Variants in PROSER1 observed in about 807,000 individuals in gnomAD.
PROSER1 encodes the protein proline and serine-rich protein 1.
Under a neutral mutation model 71.8 loss-of-function variants are expected in PROSER1, and 36 were observed. The ratio of observed to expected loss-of-function variants is 0.50; its 90% CI spans 0.38 to 0.66. The LOEUF is 0.66. PROSER1 is among the 30% of genes least tolerant of loss of function. The pLI is 0.00. For synonymous variants in PROSER1, 490 were observed against 452.4 expected (o/e 1.08, Z -1.06); for missense variants, 1,107 against 1,135.0 (o/e 0.98, Z 0.35).
At chr13:39,037,089 T>C (rs1392559969) in intron 1 of PROSER1, 109 bp downstream of exon 1, 16 of 778,192 alleles carry the variant, frequency 2.1e-5, no homozygotes, top group Non-Finnish European at 3.5e-5. Flanking sequence ...CAAACCAATT[T>C]GGCAATCCTA....
Position 39,012,740 on chromosome 13 carries a change from C to T in PROSER1, c.2512G>A (p.Ala838Thr), listed in dbSNP as rs772124578. 6.2e-6 allele frequency: 10 copies of T among 1,609,010 alleles called. No individual in the cohort carries two copies. The highest frequency in any genetic ancestry group is 4.4e-5 in the South Asian group (4 of 90,460). ...TTGAAATTGGAACTGAATGCTGAGG[C>T]GAATCCTGGGAGGACTGGAGCTGGG... Reference protein sequence around the residue: ...PSPAPVLPGFASAFSSNFNSA... With the variant: ...PSPAPVLPGFTSAFSSNFNSA... Residue 838 changes from alanine (A) to threonine (T), a missense_variant, in exon 11 of 13, where the codon GCC becomes ACC. Physicochemically the swap from Ala to Thr is moderately conservative, Grantham distance 58. Coordinates refer to ENST00000352251, the MANE Select transcript of PROSER1 (RefSeq NM_025138.5).
At chr13:39,022,718 C>T in intron 8 of PROSER1, 1 of 386,638 alleles carries the variant, frequency 2.6e-6, no homozygotes, top group Non-Finnish European at 4.6e-6. Flanking sequence ...AACGCATATA[C>T]TTGACTTTTT....
At chr13:39,016,059 A>G (rs181672620) in intron 10 of PROSER1, among the ~76,000 whole-genome samples, 1 of 152,312 alleles carries the variant, frequency 6.6e-6, no homozygotes, top group East Asian at 1.9e-4. Flanking sequence ...AAGCTATCCT[A>G]GAGTATTATT....
chr13:39,011,141 T>A lies in PROSER1; in HGVS notation c.*224A>T, dbSNP rs2138092352. 4.1e-6 allele frequency: 2 copies of A among 493,192 alleles called. No homozygotes were observed. Among genetic ancestry groups the A allele is most frequent in the South Asian group, 4.9e-5 (2 of 40,944 alleles). The allele number at this position is 493,192 out of a possible 1,614,324, so 30.6% of individuals were successfully genotyped here. On this transcript the variant is annotated 3_prime_UTR_variant, in exon 13 of 13. Transcript: ENST00000352251. ...ACAGGTGAAAAGTCTCCAAACACTT[T>A]TTAAATACCATTCTCCATACAATTT...
At chr13:39,033,105 A>C (rs975619605) in intron 2 of PROSER1, among the ~76,000 whole-genome samples, 8 of 152,120 alleles carry the variant, frequency 5.3e-5, no homozygotes, top group Admixed American at 5.2e-4. Context: ...ATTTTTGTAG[A>C]GATGGGGTTT....
Position 39,013,881 on chromosome 13 carries a change from G to C in PROSER1, c.1371C>G (p.Ser457Arg). 1 of 1,614,180 alleles carries C rather than the reference G, an allele frequency of 6.2e-7. No individual in the cohort carries two copies. Among genetic ancestry groups the C allele is most frequent in the African/African-American group, 1.3e-5 (1 of 75,040 alleles). ...TGTTCACACCAAGTGGACCGGCAAC[G>C]CTGGGAGTAGAGCCACCAGCAATTA... is the stretch of plus-strand genomic sequence containing the variant. Reference protein sequence around the residue: ...TPVIAGGSTPSVAGPLGVNSP... With the variant: ...TPVIAGGSTPRVAGPLGVNSP... Residue 457 changes from serine (S) to arginine (R), a missense_variant, in exon 11 of 13, where the codon AGC (serine) becomes AGG (arginine). Ser to Arg is a moderately radical substitution (Grantham distance 110). Transcript: ENST00000352251.
At chr13:39,028,168 C>T (rs963374400) in intron 5 of PROSER1, 59 bp downstream of exon 5, 31 of 874,516 alleles carry the variant, frequency 3.5e-5, no homozygotes, top group Non-Finnish European at 5.5e-5. Flanking sequence ...GGTGCTTTTT[C>T]GTCTTCAATA....
rs202059609 is a variant in PROSER1, at chr13:39,013,316, T to C, written c.1936A>G (p.Thr646Ala). Reference sequence around the variant, plus strand: ...GCAGATAAACTGATGGGCACGGATGTTGAAGTATATGCACGGCCCAATGTC... The same window carrying C: ...GCAGATAAACTGATGGGCACGGATGCTGAAGTATATGCACGGCCCAATGTC... Reference protein sequence around the residue: ...SGTLGRAYTSTSVPISLSACL... With the variant: ...SGTLGRAYTSASVPISLSACL... Residue 646 changes from threonine (T) to alanine (A), a missense_variant, in exon 11 of 13, where the codon ACA becomes GCA. By Grantham distance (58) the Thr-to-Ala change is moderately conservative. Transcript: ENST00000352251. 6.0e-4 allele frequency: 969 copies of C among 1,614,120 alleles called. 14 individuals carry two copies. The South Asian group carries it at 9.8e-3, about 16-fold the overall frequency.
chr13:39,034,807 C>T (rs1429877800), intron 1 of PROSER1, among the ~76,000 whole-genome samples: 1 of 152,202 alleles, frequency 6.6e-6, no homozygotes, highest in African/African-American at 2.4e-5. Context: ...TCACCAACCT[C>T]AAAGAATTAC....
At chr13:39,037,132 C>G in intron 1 of PROSER1, 66 bp downstream of exon 1, 1 of 1,221,038 alleles carries the variant, frequency 8.2e-7, no homozygotes, top group Non-Finnish European at 1.2e-6. Flanking sequence ...CCATACAGTA[C>G]CTCAAAGAGA....
At chr13:39,037,144 T>A (rs902204461) in intron 1 of PROSER1, 54 bp downstream of exon 1, 13 of 1,324,996 alleles carry the variant, frequency 9.8e-6, no homozygotes, top group Non-Finnish European at 1.4e-5. Flanking sequence ...TCAAAGAGAG[T>A]CTAAAACACG....
intron 9 of PROSER1, among the ~76,000 whole-genome samples, chr13:39,018,473 GACAC>G (rs56659534): frequency 0.018 from 2,158 of 120,166 alleles, 24 homozygotes; most frequent in Admixed American, 0.035. Context: ...TTTAAAACCC[GACAC>G]ACACACACAC....
At position 39,011,041 on chromosome 13, in the gene PROSER1, C is replaced by T. The variant is rs2274385; in HGVS notation, c.*324G>A. On this transcript the variant is annotated 3_prime_UTR_variant, in exon 13 of 13. Transcript: ENST00000352251. ...ATACAAGCATATTTAAGGCTGTATT[C>T]GGCTATAAAGAGTTCAACCTACTCT... is the stretch of plus-strand genomic sequence containing the variant. The T allele has an allele frequency of 0.17, 36,278 of 218,208 alleles. 3,399 individuals carry two copies. Among genetic ancestry groups the T allele is most frequent in the African/African-American group, 0.25 (10,523 of 42,456 alleles). The allele number at this position is 218,208 out of a possible 1,614,324, so 13.5% of individuals were successfully genotyped here.
At position 39,017,546 on chromosome 13, in the gene PROSER1, T is replaced by G; in HGVS notation, c.731-2A>C. ...ACGGATTCGAAAGGTCTTCATTCTC[T>G]ATATAAAAATAAATAAAAGTTCATT... On this transcript the variant is annotated splice_acceptor_variant, in intron 9 of 12. Coordinates refer to ENST00000352251, the MANE Select transcript of PROSER1 (RefSeq NM_025138.5). LOFTEE classifies it high-confidence loss of function. 1 of 1,428,838 alleles carries G rather than the reference T, an allele frequency of 7.0e-7. No homozygotes were observed. The highest frequency in any genetic ancestry group is 1.9e-5 in the Admixed American group (1 of 51,638). The allele number at this position is 1,428,838 out of a possible 1,614,324, so 88.5% of individuals were successfully genotyped here. A position where few individuals can be genotyped will look rare whatever the true frequency, so the allele number is the denominator to read the frequency against.
At position 39,013,571 on chromosome 13, in the gene PROSER1, AAGG is replaced by A; in HGVS notation, c.1678_1680del (p.Pro560del). 6.2e-7 allele frequency: 1 copy of A among 1,614,164 alleles called. No homozygotes were observed. The highest frequency in any genetic ancestry group is 8.5e-7 in the Non-Finnish European group (1 of 1,180,024). On this transcript the variant is annotated inframe_deletion, in exon 11 of 13. Transcript: ENST00000352251. Reference sequence around the variant, plus strand: ...GTGGAAGCTGATGCAGCAGTGGCTAAAGGAGACTGTACAGGCAATGTCAGGGGA... The same window carrying A: ...GTGGAAGCTGATGCAGCAGTGGCTAAAGACTGTACAGGCAATGTCAGGGGA...
At position 39,011,304 on chromosome 13, in the gene PROSER1, T is replaced by C. The variant is rs1869639574; in HGVS notation, c.*61A>G. 1.3e-6 allele frequency: 2 copies of C among 1,556,092 alleles called. No homozygotes were observed. Among genetic ancestry groups the C allele is most frequent in the Non-Finnish European group, 1.8e-6 (2 of 1,134,018 alleles). On this transcript the variant is annotated 3_prime_UTR_variant, in exon 13 of 13. Coordinates refer to ENST00000352251, the MANE Select transcript of PROSER1 (RefSeq NM_025138.5). ...GGCCAGCTTCACATTTGTCAGATTG[T>C]TCATTGCAGTTCTCAGGCAATTCTG...
intron 2 of PROSER1, among the ~76,000 whole-genome samples, chr13:39,033,316 T>C (rs542686060): frequency 1.3e-5 from 2 of 152,358 alleles, no homozygotes; most frequent in South Asian, 2.1e-4. Flanking sequence ...AATCATAAAG[T>C]AGCTTTTAAG....
chr13:39,020,352 A>G (rs1260759953), intron 9 of PROSER1, among the ~76,000 whole-genome samples: 2 of 152,068 alleles, frequency 1.3e-5, no homozygotes, highest in Non-Finnish European at 2.9e-5. Context: ...AAATTACTAT[A>G]TAGCTCTCTC....
At chr13:39,015,072 T>A (rs556658800) in intron 10 of PROSER1, among the ~76,000 whole-genome samples, 1 of 152,270 alleles carries the variant, frequency 6.6e-6, no homozygotes, top group African/African-American at 2.4e-5. Flanking sequence ...ACCTGGCAAC[T>A]CCTTTAGGGG....
Sources: gnomAD v4.1 joint callset for allele counts (sites outside exome capture counted in the v4.1 genomes callset) on GRCh38, gnomAD v4.1.1 for gene constraint, MANE v1.5 for transcripts, NCBI Gene and HGNC (gene_info 2026-07-23, HGNC 2026-07-21) for gene names.